The following CDH18 variants were observed in gnomAD, a reference collection of about 807,000 sequenced individuals.
The protein encoded by CDH18 is cadherin 18, also known as cadherin-18.
In CDH18, 31 loss-of-function variants were observed where a neutral mutation model predicts 67.9. The observed-to-expected ratio is 0.46, with a 90% CI of 0.34 to 0.62. The LOEUF is 0.62. CDH18 is among the 20% of genes least tolerant of loss of function. The pLI is 0.01. For synonymous variants in CDH18, 362 were observed against 347.2 expected (o/e 1.04, Z -0.48); for missense variants, 890 against 975.5 (o/e 0.91, Z 1.17).
At chr5:19,678,329 AC>A (rs1226965366) in intron 5 of CDH18, among the ~76,000 whole-genome samples, 1 of 151,918 alleles carries the variant, frequency 6.6e-6, no homozygotes, top group African/African-American at 2.4e-5. Flanking sequence ...TAGAAAAATC[AC>A]TTAAAACCAT....
chr5:20,159,431 G>A (rs1008624818), intron 2 of CDH18, among the ~76,000 whole-genome samples: 13 of 152,114 alleles, frequency 8.5e-5, no homozygotes, highest in African/African-American at 3.1e-4. Flanking sequence ...AGTAAAGTTC[G>A]ACTAAGCACA....
chr5:20,123,988 T>C (rs1484153199), intron 2 of CDH18, among the ~76,000 whole-genome samples: 1 of 151,784 alleles, frequency 6.6e-6, no homozygotes, highest in Non-Finnish European at 1.5e-5. Context: ...GAAACAGACA[T>C]GAACATACAG....
intron 2 of CDH18, among the ~76,000 whole-genome samples, chr5:19,843,315 G>A (rs953554471): frequency 5.3e-5 from 8 of 152,186 alleles, no homozygotes; most frequent in Non-Finnish European, 1.2e-4. Context: ...AAGAGACCAC[G>A]GTACAGCTCA....
At chr5:19,514,188 T>C (rs538388473) in intron 10 of CDH18, among the ~76,000 whole-genome samples, 13 of 152,242 alleles carry the variant, frequency 8.5e-5, no homozygotes, top group Non-Finnish European at 1.9e-4. Context: ...ATCGTTTTTA[T>C]GGCTGCATAG....
intron 5 of CDH18, among the ~76,000 whole-genome samples, chr5:19,613,978 ACAC>A (rs1444638724): frequency 1.3e-5 from 2 of 152,144 alleles, no homozygotes; most frequent in Non-Finnish European, 2.9e-5. Flanking sequence ...TTTAATAAAT[ACAC>A]CAATGACTTT....
At chr5:20,236,343 A>T (rs1159563195) in intron 2 of CDH18, among the ~76,000 whole-genome samples, 1 of 151,766 alleles carries the variant, frequency 6.6e-6, no homozygotes, top group South Asian at 2.1e-4. Context: ...GAAGAAATAC[A>T]ACTAATGTTT....
At chr5:20,283,451 A>T (rs1174773526) in intron 1 of CDH18, among the ~76,000 whole-genome samples, 1 of 152,082 alleles carries the variant, frequency 6.6e-6, no homozygotes, top group Non-Finnish European at 1.5e-5. Context: ...ATCTGAATAG[A>T]CACATCTCAA....
At chr5:19,835,460 T>A (rs1310020263) in intron 3 of CDH18, among the ~76,000 whole-genome samples, 2 of 151,968 alleles carry the variant, frequency 1.3e-5, no homozygotes, top group East Asian at 1.9e-4. Context: ...ATCCCTTTTT[T>A]TTGTTTGTTT....
chr5:19,734,523 C>T (rs995661484), intron 4 of CDH18, among the ~76,000 whole-genome samples: 1 of 152,032 alleles, frequency 6.6e-6, no homozygotes, highest in African/African-American at 2.4e-5. Context: ...CACCAAAGGC[C>T]TTATGGTAGA....
intron 1 of CDH18, among the ~76,000 whole-genome samples, chr5:20,483,107 G>A (rs1458486131): frequency 6.6e-6 from 1 of 151,898 alleles, no homozygotes; most frequent in Non-Finnish European, 1.5e-5. Context: ...AACCAATAGT[G>A]TTTCTATGTG....
chr5:19,694,873 C>CAAA (rs35511726), intron 5 of CDH18, among the ~76,000 whole-genome samples: 90 of 141,260 alleles, frequency 6.4e-4, no homozygotes, highest in African/African-American at 2.2e-3. Context: ...GACTCTGTCT[C>CAAA]AAAAAAAAAA....
intron 8 of CDH18, among the ~76,000 whole-genome samples, chr5:19,562,373 C>T (rs1238242856): frequency 1.3e-5 from 2 of 152,004 alleles, no homozygotes; most frequent in Non-Finnish European, 2.9e-5. Context: ...GCTGTTATAA[C>T]ATCCAAAATA....
At chr5:20,406,847 G>T (rs570334999) in intron 1 of CDH18, among the ~76,000 whole-genome samples, 1 of 152,244 alleles carries the variant, frequency 6.6e-6, no homozygotes, top group East Asian at 1.9e-4. Flanking sequence ...ACATAAACTA[G>T]TCAAAAGGCT....
chr5:20,192,832 G>C (rs1193162450), intron 2 of CDH18, among the ~76,000 whole-genome samples: 1 of 151,998 alleles, frequency 6.6e-6, no homozygotes, highest in African/African-American at 2.4e-5. Flanking sequence ...TTGGCTATAC[G>C]AGGTCTTTTT....
chr5:20,388,521 T>A (rs972142045), intron 1 of CDH18, among the ~76,000 whole-genome samples: 4 of 152,278 alleles, frequency 2.6e-5, no homozygotes, highest in African/African-American at 7.2e-5. Flanking sequence ...AAAAACCAGC[T>A]CCTAGATTCC....
chr5:19,899,937 G>C (rs1393127059), intron 2 of CDH18, among the ~76,000 whole-genome samples: 1 of 152,038 alleles, frequency 6.6e-6, no homozygotes, highest in Non-Finnish European at 1.5e-5. Flanking sequence ...CTGGAAGAGG[G>C]GGAAACAGGG....
rs183572503 is a variant in CDH18 at position 20,433,502 on chromosome 5, C to T, written c.-580+141960G>A. 5.9e-5 allele frequency among the ~76,000 whole-genome samples: 9 copies of T among 151,938 alleles called. No individual in the cohort carries two copies. The East Asian group carries it at 1.7e-3, about 29-fold the overall frequency. The stretch of plus-strand genomic sequence containing the variant: ...AGCATTAACAGGCTTTAATGATGAA[C>T]TCGATGGTCTGAGGAGAAGAGGAGT... On this transcript the variant is annotated intron_variant, in intron 1 of 14. Transcript: ENST00000507958.
intron 1 of CDH18, among the ~76,000 whole-genome samples, chr5:20,523,532 C>G (rs770471605): frequency 1.3e-5 from 2 of 152,076 alleles, no homozygotes; most frequent in African/African-American, 2.4e-5. Context: ...AATGGAAACA[C>G]AAGCAAGGAT....
chr5:19,922,772 A>G (rs1421967874), intron 2 of CDH18, among the ~76,000 whole-genome samples: 1 of 152,196 alleles, frequency 6.6e-6, no homozygotes, highest in Admixed American at 6.5e-5. Context: ...TGGAGAACAC[A>G]TGAATAATTA....
Sources: allele counts gnomAD v4.1 joint callset (sites outside exome capture counted in the v4.1 genomes callset), GRCh38; gene constraint gnomAD v4.1.1; transcripts MANE v1.5; gene names NCBI Gene and HGNC (gene_info 2026-07-23, HGNC 2026-07-21).